DLG2: variants seen among roughly 807,000 people sequenced by gnomAD.
DLG2 encodes the protein discs large MAGUK scaffold protein 2.
A neutral mutation model predicts 132.5 loss-of-function variants in DLG2; 45 were observed. That is an observed-to-expected ratio of 0.34 (90% CI 0.27 to 0.44). The LOEUF (loss-of-function observed/expected upper bound fraction) is 0.44. Ranked by LOEUF, DLG2 falls within the 20% of genes least tolerant of loss-of-function variation. The pLI is 1.00. For missense variants in DLG2, 1,045 were observed against 1,196.9 expected (o/e 0.87, Z 1.87); for synonymous variants, 424 against 419.6 (o/e 1.01, Z -0.13).
chr11:84,444,767 T>A (rs140159072), intron 7 of DLG2, among the ~76,000 whole-genome samples: 1 of 152,184 alleles, frequency 6.6e-6, no homozygotes, highest in East Asian at 1.9e-4. Flanking sequence ...AGCACTTTTA[T>A]AGTATCTGCA....
chr11:85,243,233 G>T (rs1409598351), intron 4 of DLG2, among the ~76,000 whole-genome samples: 3 of 151,846 alleles, frequency 2.0e-5, no homozygotes, highest in Non-Finnish European at 4.4e-5. Context: ...GAGGAGACTA[G>T]AAGCTTATGC....
intron 11 of DLG2, among the ~76,000 whole-genome samples, chr11:84,047,195 T>A (rs2154115061): frequency 6.6e-6 from 1 of 151,796 alleles, no homozygotes; most frequent in South Asian, 2.1e-4. Flanking sequence ...CTTTATTTAT[T>A]CTCATTCCTT....
chr11:84,361,983 G>C (rs1184046130), intron 7 of DLG2, among the ~76,000 whole-genome samples: 2 of 151,874 alleles, frequency 1.3e-5, no homozygotes, highest in Non-Finnish European at 2.9e-5. Context: ...GAAAATGGGA[G>C]AAAAGAACAG....
intron 2 of DLG2, among the ~76,000 whole-genome samples, chr11:85,620,872 A>T (rs1328884061): frequency 6.6e-6 from 1 of 152,274 alleles, no homozygotes; most frequent in Non-Finnish European, 1.5e-5. Flanking sequence ...TATCAAGAAG[A>T]TCTAGCTGAG....
chr11:83,819,502 A>G (rs1170517387), intron 17 of DLG2, among the ~76,000 whole-genome samples: 1 of 83,248 alleles, frequency 1.2e-5, no homozygotes, highest in Non-Finnish European at 2.3e-5. Context: ...AGAAGAAAAG[A>G]AAAAGAAAAG....
At chr11:85,362,376 T>C (rs2084225870) in intron 3 of DLG2, among the ~76,000 whole-genome samples, 3 of 152,184 alleles carry the variant, frequency 2.0e-5, no homozygotes, top group Admixed American at 2.0e-4. Context: ...TGGGTAGCTA[T>C]TGTTAATGAG....
chr11:84,709,939 A>G (rs1355655006), intron 6 of DLG2, among the ~76,000 whole-genome samples: 1 of 151,918 alleles, frequency 6.6e-6, no homozygotes, highest in Non-Finnish European at 1.5e-5. Context: ...CTCTATACCT[A>G]AAGACATCAT....
intron 11 of DLG2, among the ~76,000 whole-genome samples, chr11:84,051,172 G>T (rs1376095957): frequency 1.3e-5 from 2 of 151,914 alleles, no homozygotes; most frequent in African/African-American, 4.8e-5. Flanking sequence ...TTACACTGTT[G>T]GTGGGAGTGT....
At chr11:84,495,663 T>G (rs942697200) in intron 7 of DLG2, among the ~76,000 whole-genome samples, 3 of 152,186 alleles carry the variant, frequency 2.0e-5, no homozygotes, top group African/African-American at 7.2e-5. Flanking sequence ...TATCATTCTC[T>G]TCTCTGTGCT....
chr11:84,956,057 G>A (rs1016444511), intron 6 of DLG2, among the ~76,000 whole-genome samples: 2 of 152,114 alleles, frequency 1.3e-5, no homozygotes, highest in African/African-American at 4.8e-5. Flanking sequence ...TACCCAGCCA[G>A]GTATCATCAG....
chr11:83,938,353 G>T (rs886652831), intron 14 of DLG2, among the ~76,000 whole-genome samples: 13 of 129,958 alleles, frequency 1.0e-4, no homozygotes, highest in African/African-American at 2.8e-4. Flanking sequence ...TTTGAAAGAG[G>T]GTGAAAGGGT....
At chr11:85,029,546 T>A (rs1445506486) in intron 6 of DLG2, among the ~76,000 whole-genome samples, 1 of 152,182 alleles carries the variant, frequency 6.6e-6, no homozygotes, top group Non-Finnish European at 1.5e-5. Context: ...CTAGCAAATA[T>A]CAGAAAAGAG....
intron 9 of DLG2, among the ~76,000 whole-genome samples, chr11:84,104,407 C>A (rs1051830828): frequency 2.0e-5 from 3 of 151,784 alleles, no homozygotes; most frequent in African/African-American, 7.3e-5. Context: ...ACAATAGATA[C>A]TGGGAAATAT....
At chr11:85,460,459 C>T (rs2092570423) in intron 3 of DLG2, among the ~76,000 whole-genome samples, 1 of 152,202 alleles carries the variant, frequency 6.6e-6, no homozygotes, top group African/African-American at 2.4e-5. Context: ...AATTTCCTGG[C>T]AGTGTGGGAG....
At chr11:84,088,236 T>C (rs574736634) in intron 10 of DLG2, among the ~76,000 whole-genome samples, 2 of 152,328 alleles carry the variant, frequency 1.3e-5, no homozygotes, top group African/African-American at 4.8e-5. Context: ...CTACATTTTC[T>C]TCTAAGACTT....
chr11:84,269,868 A>G (rs1463984146), intron 7 of DLG2, among the ~76,000 whole-genome samples: 5 of 152,334 alleles, frequency 3.3e-5, no homozygotes, highest in African/African-American at 1.2e-4. Context: ...CATTGCAGCA[A>G]GAGATATTAG....
chr11:83,538,325 A>G (rs2095952182), intron 20 of DLG2, among the ~76,000 whole-genome samples: 1 of 152,220 alleles, frequency 6.6e-6, no homozygotes, highest in African/African-American at 2.4e-5. Flanking sequence ...CTCTCTTAAA[A>G]GACCCTGCCA....
chr11:84,069,654 C>A (rs1424881180), intron 10 of DLG2, among the ~76,000 whole-genome samples: 1 of 152,174 alleles, frequency 6.6e-6, no homozygotes, highest in African/African-American at 2.4e-5. Context: ...CCTCTATTTG[C>A]CACTTCATTT....
chr11:83,652,948 G>C (rs1046094360), intron 18 of DLG2, among the ~76,000 whole-genome samples: 6 of 152,112 alleles, frequency 3.9e-5, no homozygotes, highest in Non-Finnish European at 7.4e-5. Flanking sequence ...CAAAAGCTCT[G>C]TGTGGAAGAT....
Sources: gnomAD v4.1 joint callset for allele counts (sites outside exome capture counted in the v4.1 genomes callset) on GRCh38, gnomAD v4.1.1 for gene constraint, MANE v1.5 for transcripts, NCBI Gene and HGNC (gene_info 2026-07-23, HGNC 2026-07-21) for gene names.